Variants in GPC6 observed in about 807,000 individuals in gnomAD.
GPC6 encodes the protein glypican-6.
GPC6 carries 14 observed loss-of-function variants against 55.2 expected under a neutral mutation model. That is an observed-to-expected ratio of 0.25 (90% CI 0.17 to 0.40). The LOEUF is 0.40. GPC6 is among the 10% of genes least tolerant of loss of function. The pLI is 1.00. For missense variants in GPC6, 641 were observed against 708.5 expected (o/e 0.90, Z 1.08); for synonymous variants, 278 against 259.6 (o/e 1.07, Z -0.68).
intron 6 of GPC6, among the ~76,000 whole-genome samples, chr13:94,340,060 C>T (rs1056504686): frequency 1.3e-5 from 2 of 151,952 alleles, no homozygotes; most frequent in Admixed American, 1.3e-4. Context: ...AGCGCACCAG[C>T]CTAATTTCTA....
intron 2 of GPC6, among the ~76,000 whole-genome samples, chr13:93,629,105 T>G (rs1246009195): frequency 1.3e-5 from 2 of 151,956 alleles, no homozygotes; most frequent in Non-Finnish European, 2.9e-5. Context: ...TCCATTTACT[T>G]CAAATGACTT....
At chr13:93,539,852 C>T (rs149899288) in intron 1 of GPC6, among the ~76,000 whole-genome samples, 1,762 of 152,038 alleles carry the variant, frequency 0.012, 25 homozygotes, top group African/African-American at 0.039. Flanking sequence ...CCACCACTCC[C>T]GGCTAATTTT....
At chr13:93,552,569 G>C (rs189037012) in intron 2 of GPC6, among the ~76,000 whole-genome samples, 17 of 151,750 alleles carry the variant, frequency 1.1e-4, no homozygotes, top group East Asian at 1.9e-4. Context: ...ATCAGCTCTG[G>C]CTTCAGTGAT....
At chr13:94,163,502 T>G (rs533934905) in intron 4 of GPC6, among the ~76,000 whole-genome samples, 1 of 152,330 alleles carries the variant, frequency 6.6e-6, no homozygotes, top group South Asian at 2.1e-4. Context: ...TTTTTAAAAA[T>G]AATCCCTTAG....
chr13:94,293,998 A>C (rs547622233), intron 5 of GPC6, among the ~76,000 whole-genome samples: 1 of 152,280 alleles, frequency 6.6e-6, no homozygotes, highest in South Asian at 2.1e-4. Flanking sequence ...TACATTCACC[A>C]ATTTCAATCC....
chr13:93,499,255 A>T (rs970322727), intron 1 of GPC6, among the ~76,000 whole-genome samples: 1 of 152,164 alleles, frequency 6.6e-6, no homozygotes, highest in Admixed American at 6.6e-5. Flanking sequence ...TTTTAAGATT[A>T]AAAAAGAGTT....
chr13:93,927,379 G>A (rs1388514849), intron 3 of GPC6, among the ~76,000 whole-genome samples: 1 of 152,054 alleles, frequency 6.6e-6, no homozygotes. Context: ...CTATCATCTT[G>A]CTGTCAAACT....
intron 4 of GPC6, among the ~76,000 whole-genome samples, chr13:94,045,677 G>T (rs1883705433): frequency 6.6e-6 from 1 of 150,814 alleles, no homozygotes; most frequent in Non-Finnish European, 1.5e-5. Context: ...GCAAAAATAA[G>T]ATGTGGCTGT....
chr13:94,213,127 G>A (rs570218655), intron 4 of GPC6, among the ~76,000 whole-genome samples: 2 of 152,322 alleles, frequency 1.3e-5, no homozygotes, highest in East Asian at 3.9e-4. Flanking sequence ...CTGCACTCCA[G>A]CCTGGGTGAC....
chr13:93,818,466 T>G (rs980787020), intron 2 of GPC6: 1 of 152,210 alleles, frequency 6.6e-6, no homozygotes, highest in African/African-American at 2.4e-5. Context: ...AAATGCACCC[T>G]AGGTGGGCCG....
intron 2 of GPC6, among the ~76,000 whole-genome samples, chr13:93,678,714 A>T (rs909727150): frequency 1.3e-5 from 2 of 152,158 alleles, no homozygotes; most frequent in Admixed American, 6.6e-5. Flanking sequence ...ATAGCTGCCT[A>T]CATTTTGACC....
chr13:94,140,517 A>T (rs888202677), intron 4 of GPC6, among the ~76,000 whole-genome samples: 7 of 152,192 alleles, frequency 4.6e-5, no homozygotes, highest in Non-Finnish European at 8.8e-5. Context: ...ATTCACAAGC[A>T]ATGGCTCAGT....
intron 2 of GPC6, among the ~76,000 whole-genome samples, chr13:93,770,371 G>T (rs1885253043): frequency 6.6e-6 from 1 of 152,112 alleles, no homozygotes; most frequent in Admixed American, 6.6e-5. Context: ...AGGTCCAAAG[G>T]TATTTATTTT....
At chr13:93,348,651 C>G (rs890852159) in intron 1 of GPC6, among the ~76,000 whole-genome samples, 2 of 152,194 alleles carry the variant, frequency 1.3e-5, no homozygotes, top group South Asian at 4.1e-4. Flanking sequence ...CTTTCCCTTT[C>G]TGATCAAAGC....
chr13:93,808,592 G>A (rs764819131), intron 2 of GPC6, among the ~76,000 whole-genome samples: 1 of 152,216 alleles, frequency 6.6e-6, no homozygotes, highest in Non-Finnish European at 1.5e-5. Context: ...AAATACAAAT[G>A]CCAGCCACTG....
intron 2 of GPC6, among the ~76,000 whole-genome samples, chr13:93,665,916 CAACT>C (rs762921398): frequency 6.6e-6 from 1 of 152,174 alleles, no homozygotes; most frequent in Non-Finnish European, 1.5e-5. Flanking sequence ...TTTATTCCCT[CAACT>C]AATATTGAAA....
intron 4 of GPC6, among the ~76,000 whole-genome samples, chr13:94,273,534 C>T (rs1047673961): frequency 2.6e-5 from 4 of 152,150 alleles, no homozygotes; most frequent in African/African-American, 4.8e-5. Flanking sequence ...GTCTCCATCA[C>T]CTATGTTTTC....
At chr13:94,287,380 T>A (rs1892560615) in intron 5 of GPC6, among the ~76,000 whole-genome samples, 1 of 152,206 alleles carries the variant, frequency 6.6e-6, no homozygotes, top group South Asian at 2.1e-4. Context: ...ATTTTTAAAA[T>A]CCTTTGTGAA....
At chr13:93,350,103 G>A (rs1330152247) in intron 1 of GPC6, among the ~76,000 whole-genome samples, 1 of 152,134 alleles carries the variant, frequency 6.6e-6, no homozygotes, top group East Asian at 1.9e-4. Flanking sequence ...AGTAAAATGG[G>A]TATATTATAT....
Sources: gnomAD v4.1 joint callset for allele counts (sites outside exome capture counted in the v4.1 genomes callset) on GRCh38, gnomAD v4.1.1 for gene constraint, MANE v1.5 for transcripts, NCBI Gene and HGNC (gene_info 2026-07-23, HGNC 2026-07-21) for gene names.